Variants in FANCA observed in about 807,000 individuals in gnomAD.
FANCA encodes the protein FA complementation group A, also known as Fanconi anemia group A protein.
A neutral mutation model predicts 194.3 loss-of-function variants in FANCA; 236 were observed. That is an observed-to-expected ratio of 1.21 (90% CI 1.09 to 1.35). FANCA has a LOEUF of 1.35. Ranked by LOEUF, FANCA falls within the 40% of genes most tolerant of loss-of-function variation. FANCA has a pLI of 0.00. For missense variants in FANCA, 2,628 were observed against 1,813.9 expected, an observed-to-expected ratio of 1.45 and a Z score of -8.15; for synonymous variants, 1,014 against 715.8, an observed-to-expected ratio of 1.42 and a Z score of -6.65.
intron 26 of FANCA, 72 bp from the exon 27 acceptor site, chr16:89,767,309 A>T: frequency 9.0e-7 from 1 of 1,115,008 alleles, no homozygotes; most frequent in Non-Finnish European, 1.3e-6. Flanking sequence ...GTTACTTTGA[A>T]TTTCATAAAA....
chr16:89,737,602 G>C lies in FANCA; in HGVS notation c.*999C>G. The C allele has an allele frequency of 1.1e-6, 1 of 938,480 alleles. No homozygotes were observed. Among genetic ancestry groups the C allele is most frequent in the East Asian group, 2.8e-5 (1 of 36,230 alleles). 58.1% of individuals were successfully genotyped at this position (938,480 alleles called of 1,614,324 possible). A position where few individuals can be genotyped will look rare whatever the true frequency, so the allele number is the denominator to read the frequency against. ...TAAAAACCATCCTGAAATGCACACA[G>C]CTGATGAAGCCACGTGACAGTGTAT... On this transcript the variant is annotated 3_prime_UTR_variant, in exon 43 of 43. Transcript: ENST00000389301.
Position 89,773,267 on chromosome 16 carries a change from T to A in FANCA, c.2014+4A>T, listed in dbSNP as rs2039386072. The A allele has an allele frequency of 1.3e-6, 2 of 1,548,688 alleles. No homozygotes were observed. The highest frequency in any genetic ancestry group is 2.7e-5 in the African/African-American group (2 of 72,958). ...ACACAGCATGAGCTCCCATCCATCC[T>A]CACCATCACGCTGGCTGGGGTCTGT... is the stretch of plus-strand genomic sequence containing the variant. On this transcript the variant is annotated splice_donor_region_variant and intron_variant, in intron 22 of 42. Transcript: ENST00000389301.
At chr16:89,746,770 C>G in intron 34 of FANCA, 61 bp downstream of exon 34, 1 of 1,590,392 alleles carries the variant, frequency 6.3e-7, no homozygotes, top group Non-Finnish European at 8.6e-7. Flanking sequence ...AGGAAGCTGA[C>G]AGGAGGATCC....
intron 14 of FANCA, among the ~76,000 whole-genome samples, chr16:89,790,426 T>C (rs1393344480): frequency 6.7e-6 from 1 of 149,692 alleles, no homozygotes; most frequent in Non-Finnish European, 1.5e-5. Context: ...ATAAAATAAA[T>C]AAATAAATAA....
intron 11 of FANCA, among the ~76,000 whole-genome samples, chr16:89,795,056 G>A (rs1019741449): frequency 6.6e-5 from 10 of 152,142 alleles, no homozygotes; most frequent in Non-Finnish European, 1.3e-4. Flanking sequence ...AGGCCGAGAC[G>A]GGCGGATTAC....
intron 33 of FANCA, 33 bp from the exon 34 acceptor site, chr16:89,746,923 C>T: frequency 1.3e-6 from 2 of 1,545,936 alleles, no homozygotes; most frequent in East Asian, 4.9e-5. Flanking sequence ...TAAGAAAAGC[C>T]CACAGGAAGA....
intron 8 of FANCA, among the ~76,000 whole-genome samples, chr16:89,802,625 G>C (rs1003003602): frequency 1.3e-5 from 2 of 151,318 alleles, no homozygotes; most frequent in African/African-American, 4.9e-5. Flanking sequence ...GGATGGTCTC[G>C]ATCTCCTGAC....
At position 89,805,355 on chromosome 16, in the gene FANCA, T is replaced by C. The variant is rs754839730; in HGVS notation, c.634A>G (p.Arg212Gly). 17 of 1,613,978 alleles carry C rather than the reference T, an allele frequency of 1.1e-5. No homozygotes were observed. Among genetic ancestry groups the C allele is most frequent in the Non-Finnish European group, 1.4e-5 (16 of 1,179,932 alleles). ...DMHAVGSWLF[R>G]NLCCLCEQME... is the part of the protein sequence containing the mutation. Reference sequence around the variant, plus strand: ...TGTTCACAAAGGCAGCACAGATTCCTGAAGAGCCACGATCCCACAGCATGC... The same window carrying C: ...TGTTCACAAAGGCAGCACAGATTCCCGAAGAGCCACGATCCCACAGCATGC... The change falls in exon 7 of 43, where the codon AGG becomes GGG. Residue 212 changes from arginine to glycine, a missense_variant. Coordinates refer to ENST00000389301, the MANE Select transcript of FANCA (RefSeq NM_000135.4).
In FANCA at chr16:89,742,947, G is replaced by A. The variant is rs547300201; in HGVS notation, c.3627-9C>T. 1.4e-5 allele frequency: 23 copies of A among 1,613,544 alleles called. No individual in the cohort carries two copies. In the East Asian group the frequency reaches 5.1e-4, roughly 36 times the overall value. Reference sequence around the variant, plus strand: ...CCTCAGGGGAGAGGAAACTGGGACAGAGAGAACGGGGTCATTGCAGGGCCT... The same window carrying A: ...CCTCAGGGGAGAGGAAACTGGGACAAAGAGAACGGGGTCATTGCAGGGCCT... On this transcript the variant is annotated splice_polypyrimidine_tract_variant and intron_variant, in intron 36 of 42. Transcript: ENST00000389301.
intron 30 of FANCA, among the ~76,000 whole-genome samples, chr16:89,756,857 T>G (rs528488990): frequency 6.6e-6 from 1 of 152,298 alleles, no homozygotes; most frequent in South Asian, 2.1e-4. Flanking sequence ...AGAGAGACGA[T>G]GCATCCCTGC....
intron 5 of FANCA, 104 bp from the exon 6 acceptor site, chr16:89,808,471 T>C (rs2040751207): frequency 2.5e-6 from 3 of 1,186,546 alleles, no homozygotes; most frequent in Non-Finnish European, 3.7e-6. Context: ...CTTAGGTTCT[T>C]AACCATGCCG....
chr16:89,805,361 G>C lies in FANCA; in HGVS notation c.628C>G (p.Leu210Val), dbSNP rs2143632135. 1 of 1,614,012 alleles carries C rather than the reference G, an allele frequency of 6.2e-7. No homozygotes were observed. Among genetic ancestry groups the C allele is most frequent in the South Asian group, 1.1e-5 (1 of 91,070 alleles). ...HPDMHAVGSWLFRNLCCLCEQ... is the reference protein window; with the variant it reads ...HPDMHAVGSWVFRNLCCLCEQ... ...CAAAGGCAGCACAGATTCCTGAAGA[G>C]CCACGATCCCACAGCATGCATGTCG... Residue 210 changes from leucine to valine, a missense_variant, in exon 7 of 43, where the codon CTC becomes GTC. Leu to Val is a conservative substitution (Grantham distance 32, BLOSUM62 1). Coordinates refer to ENST00000389301, the MANE Select transcript of FANCA (RefSeq NM_000135.4).
chr16:89,805,205 C>A, intron 7 of FANCA, 75 bp downstream of exon 7: 1 of 1,150,132 alleles, frequency 8.7e-7, no homozygotes. Context: ...CCTCGCAGAG[C>A]TCTTGAGAGC....
Position 89,776,216 on chromosome 16 carries a change from G to A in FANCA, c.1827-401C>T, listed in dbSNP as rs565625151. Among the ~76,000 whole-genome samples, 115 of 123,042 alleles carry A rather than the reference G, an allele frequency of 9.3e-4. 1 individual carries two copies. The highest frequency in any genetic ancestry group is 9.4e-4 in the Non-Finnish European group (60 of 63,752). The allele number at this position is 123,042 out of a possible 152,430, so 80.7% of individuals were successfully genotyped here. ...AGAGTCTCCCACTATCACCCACACT[G>A]GAGTGCAGTGGTGCGATCTCGGCTC... On this transcript the variant is annotated intron_variant, in intron 20 of 42. Transcript: ENST00000389301.
chr16:89,756,550 A>C (rs2038772909), intron 30 of FANCA, among the ~76,000 whole-genome samples: 1 of 152,214 alleles, frequency 6.6e-6, no homozygotes, highest in Non-Finnish European at 1.5e-5. Flanking sequence ...ACTTGAGCCC[A>C]GGAGGTCGAG....
In FANCA at chr16:89,797,244, T is replaced by G. The variant is rs1000202044; in HGVS notation, c.894-1226A>C. On this transcript the variant is annotated intron_variant, in intron 10 of 42. Transcript: ENST00000389301. The stretch of plus-strand genomic sequence containing the variant: ...TATGTGGGAGGCTGAGGCAGGAGAA[T>G]CGCTTGAACCCAGGAGGCATAGGTT... Among the ~76,000 whole-genome samples, 5 of 151,810 alleles carry G rather than the reference T, an allele frequency of 3.3e-5. No individual in the cohort carries two copies. In the East Asian group the frequency reaches 9.8e-4, roughly 30 times the overall value.
intron 35 of FANCA, among the ~76,000 whole-genome samples, chr16:89,745,411 C>T (rs62054602): frequency 7.4e-6 from 1 of 135,340 alleles, no homozygotes; most frequent in Non-Finnish European, 1.6e-5. Flanking sequence ...GGACCACACT[C>T]CTCTGAGCTG....
chr16:89,813,274 G>A (rs1598196573), intron 3 of FANCA, among the ~76,000 whole-genome samples: 1 of 151,872 alleles, frequency 6.6e-6, no homozygotes, highest in South Asian at 2.1e-4. Flanking sequence ...CAGGCATGGT[G>A]GCGCACACCT....
intron 30 of FANCA, among the ~76,000 whole-genome samples, chr16:89,752,717 A>G (rs1160321919): frequency 6.6e-6 from 1 of 152,224 alleles, no homozygotes; most frequent in Non-Finnish European, 1.5e-5. Flanking sequence ...ACCAGAAGAC[A>G]AGAGTGCGAG....
Sources: allele counts gnomAD v4.1 joint callset (sites outside exome capture counted in the v4.1 genomes callset), GRCh38; gene constraint gnomAD v4.1.1; transcripts MANE v1.5; gene names NCBI Gene and HGNC (gene_info 2026-07-23, HGNC 2026-07-21).